Variants in SLC38A12 observed in about 807,000 individuals in gnomAD.
SLC38A12 encodes putative sodium-coupled neutral amino acid transporter 12.
chr17:74,789,737 CG>C, the SLC38A12 span, among the ~76,000 whole-genome samples: 1 of 148,942 alleles, frequency 6.7e-6, no homozygotes, highest in Non-Finnish European at 1.5e-5. Context: ...CTCAGCTACT[CG>C]GGAGGCTGAG....
chr17:74,794,892 C>T, the SLC38A12 span: 2 of 799,878 alleles, frequency 2.5e-6, no homozygotes, highest in South Asian at 1.7e-5. Flanking sequence ...AGAAAGTAAA[C>T]AGCTCAGAGA....
the SLC38A12 span, chr17:74,838,130 C>T: frequency 1.0e-6 from 1 of 985,800 alleles, no homozygotes; most frequent in Non-Finnish European, 1.2e-6. Context: ...GCCACCTCTG[C>T]CCTGGCAGCT....
chr17:74,802,664 A>G, the SLC38A12 span, among the ~76,000 whole-genome samples: 4 of 152,190 alleles, frequency 2.6e-5, 2 homozygotes, highest in South Asian at 8.3e-4. Context: ...CTCACAGTAG[A>G]GCATCTTAAA....
At chr17:74,808,545 G>A in the SLC38A12 span, among the ~76,000 whole-genome samples, 30 of 152,218 alleles carry the variant, frequency 2.0e-4, no homozygotes, top group East Asian at 3.1e-3. Context: ...TCTGAGCCTC[G>A]TCTTCCCTGC....
chr17:74,795,447 A>G, the SLC38A12 span: 1 of 1,289,622 alleles, frequency 7.8e-7, no homozygotes, highest in Non-Finnish European at 1.1e-6. Context: ...GCAGCTGTGC[A>G]GGGAGTGGCT....
chr17:74,831,075 C>T, the SLC38A12 span, among the ~76,000 whole-genome samples: 5 of 152,362 alleles, frequency 3.3e-5, no homozygotes, highest in Middle Eastern at 3.4e-3. Context: ...AGGGTCGGAA[C>T]GGCTCCGAAA....
chr17:74,804,816 A>G, the SLC38A12 span, among the ~76,000 whole-genome samples: 10 of 152,200 alleles, frequency 6.6e-5, no homozygotes, highest in African/African-American at 9.7e-5. Flanking sequence ...GCGGTCTGTA[A>G]TGTCCAGTTC....
chr17:74,788,757 C>G, the SLC38A12 span: 1 of 1,601,356 alleles, frequency 6.2e-7, no homozygotes, highest in East Asian at 2.2e-5. Flanking sequence ...CCAACCTGTC[C>G]GCCTTTGGCG....
the SLC38A12 span, among the ~76,000 whole-genome samples, chr17:74,831,436 T>G: frequency 6.6e-6 from 1 of 152,188 alleles, no homozygotes; most frequent in Non-Finnish European, 1.5e-5. Context: ...ATGCGGTGGC[T>G]TTTGCGTTGG....
chr17:74,837,931 T>C, the SLC38A12 span: 5 of 985,628 alleles, frequency 5.1e-6, no homozygotes, highest in Non-Finnish European at 6.0e-6. Context: ...GGCCTGGAGC[T>C]ACCTCTCTGG....
chr17:74,822,950 C>T, the SLC38A12 span, among the ~76,000 whole-genome samples: 1 of 152,212 alleles, frequency 6.6e-6, no homozygotes, highest in Non-Finnish European at 1.5e-5. Context: ...GAGGGTTTCT[C>T]GCCTCTGGGC....
the SLC38A12 span, chr17:74,836,315 C>T: frequency 3.1e-6 from 5 of 1,612,846 alleles, no homozygotes; most frequent in South Asian, 1.1e-5. This position sits in a 1 kb window ranked among gnomAD's most constrained non-coding sequence, Gnocchi z 4.2. Context: ...CCATCATTGC[C>T]GTGACCCTGC....
At chr17:74,823,847 G>A in the SLC38A12 span, among the ~76,000 whole-genome samples, 4 of 152,390 alleles carry the variant, frequency 2.6e-5, no homozygotes, top group East Asian at 7.7e-4. Context: ...GGGACAGGCG[G>A]CATTTACTCC....
chr17:74,836,653 C>T, the SLC38A12 span: 38 of 1,610,432 alleles, frequency 2.4e-5, no homozygotes, highest in Admixed American at 6.7e-5. This position sits in a 1 kb window ranked among gnomAD's most constrained non-coding sequence, Gnocchi z 4.2. Context: ...ATTTTCGTCA[C>T]GGCCAATATC....
the SLC38A12 span, among the ~76,000 whole-genome samples, chr17:74,824,760 G>A: frequency 1.2e-4 from 18 of 152,260 alleles, 1 homozygote; most frequent in Admixed American, 3.9e-4. Flanking sequence ...GTCAGACACC[G>A]TCCTCTTCAG....
At chr17:74,819,200 G>A in the SLC38A12 span, among the ~76,000 whole-genome samples, 378 of 152,258 alleles carry the variant, frequency 2.5e-3, 1 homozygote, top group Admixed American at 5.0e-3. Flanking sequence ...TTCTCCTCTC[G>A]AAGTCAAAAA....
chr17:74,784,425 A>G, the SLC38A12 span, among the ~76,000 whole-genome samples: 1 of 152,182 alleles, frequency 6.6e-6, no homozygotes, highest in Non-Finnish European at 1.5e-5. Flanking sequence ...GGAAGGAAGG[A>G]GGATGGGGCC....
At chr17:74,777,576 A>C in the SLC38A12 span, 2 of 1,520,794 alleles carry the variant, frequency 1.3e-6, no homozygotes, top group Non-Finnish European at 1.8e-6. Context: ...TCTCTTTTTA[A>C]GGTGTTTGTC....
the SLC38A12 span, chr17:74,835,876 G>A: frequency 6.5e-7 from 1 of 1,542,912 alleles, no homozygotes; most frequent in Non-Finnish European, 8.7e-7. Flanking sequence ...AGAAACTCAA[G>A]GTAGGGCCGT....
Sources: gnomAD v4.1 joint callset for allele counts (sites outside exome capture counted in the v4.1 genomes callset) on GRCh38, gnomAD v4.1.1 for gene constraint, Gnocchi (gnomAD v3.1) non-coding constraint, MANE v1.5 for transcripts, NCBI Gene and HGNC (gene_info 2026-07-23, HGNC 2026-07-21) for gene names.